Variants in PTPRD observed in about 807,000 individuals in gnomAD.
PTPRD encodes receptor-type tyrosine-protein phosphatase delta.
Under a neutral mutation model 214.5 loss-of-function variants are expected in PTPRD, and 34 were observed. The ratio of observed to expected loss-of-function variants is 0.16; its 90% CI spans 0.12 to 0.21. PTPRD has a LOEUF of 0.21. Ranked by LOEUF, PTPRD falls within the 10% of genes least tolerant of loss-of-function variation. The probability of loss-of-function intolerance (pLI) is 1.00; values close to 1 mark genes in which losing one functional copy is unlikely to be tolerated. For missense variants in PTPRD, 2,545 were observed against 2,398.7 expected, an observed-to-expected ratio of 1.06 and a Z score of -1.27; for synonymous variants, 1,128 against 845.7, an observed-to-expected ratio of 1.33 and a Z score of -5.79.
chr9:8,769,485 G>C (rs2095032271), intron 11 of PTPRD, among the ~76,000 whole-genome samples: 1 of 152,150 alleles, frequency 6.6e-6, no homozygotes. Context: ...CGAGGCAGTA[G>C]ACAACAAAGG....
chr9:10,103,131 A>G (rs1358491472), intron 3 of PTPRD, among the ~76,000 whole-genome samples: 1 of 151,498 alleles, frequency 6.6e-6, no homozygotes. Context: ...TGAGGGAGAG[A>G]AAATGGCTGA....
At chr9:9,310,266 T>C (rs116666975) in intron 9 of PTPRD, among the ~76,000 whole-genome samples, 1,703 of 152,150 alleles carry the variant, frequency 0.011, 35 homozygotes, top group African/African-American at 0.038. Context: ...GCATGTGCCA[T>C]AGTGGGGGCA....
intron 5 of PTPRD, among the ~76,000 whole-genome samples, chr9:9,935,482 T>A (rs929624268): frequency 6.6e-6 from 1 of 151,914 alleles, no homozygotes; most frequent in Admixed American, 6.5e-5. Context: ...CACAATTGCT[T>A]CAAAGAGAAT....
chr9:10,304,978 T>G (rs2096009278), intron 3 of PTPRD, among the ~76,000 whole-genome samples: 1 of 152,138 alleles, frequency 6.6e-6, no homozygotes, highest in Admixed American at 6.5e-5. Flanking sequence ...AGAACAAAGC[T>G]GGAGGCATCA....
chr9:8,486,434 A>G (rs2135989622), intron 27 of PTPRD, 85 bp from the exon 28 acceptor site: 2 of 1,154,324 alleles, frequency 1.7e-6, no homozygotes, highest in East Asian at 4.7e-5. Context: ...GTTCCACTCT[A>G]CTGGTATTCC....
At chr9:10,538,278 AT>A (rs2058324019) in intron 2 of PTPRD, among the ~76,000 whole-genome samples, 1 of 147,456 alleles carries the variant, frequency 6.8e-6, no homozygotes, top group Admixed American at 6.7e-5. Flanking sequence ...AAATAAATAA[AT>A]AAATAAATAA....
At chr9:9,162,401 A>C (rs2099891549) in intron 10 of PTPRD, among the ~76,000 whole-genome samples, 1 of 152,140 alleles carries the variant, frequency 6.6e-6, no homozygotes, top group African/African-American at 2.4e-5. Flanking sequence ...TCAGATCCAG[A>C]AGATTACTTA....
intron 2 of PTPRD, among the ~76,000 whole-genome samples, chr9:10,454,603 C>T (rs1157655541): frequency 6.6e-6 from 1 of 151,576 alleles, no homozygotes; most frequent in East Asian, 1.9e-4. Context: ...TAAACATATT[C>T]CATATTTTCT....
chr9:9,598,051 A>G (rs2093487494), intron 7 of PTPRD, among the ~76,000 whole-genome samples: 1 of 151,994 alleles, frequency 6.6e-6, no homozygotes, highest in South Asian at 2.1e-4. Context: ...ACAGGACTTA[A>G]GTTGCTGTCT....
chr9:10,166,858 T>A (rs924087514), intron 3 of PTPRD, among the ~76,000 whole-genome samples: 1 of 152,160 alleles, frequency 6.6e-6, no homozygotes, highest in Non-Finnish European at 1.5e-5. Context: ...TTTATTTCCA[T>A]CATTAATGCT....
intron 4 of PTPRD, among the ~76,000 whole-genome samples, chr9:10,031,647 T>TATATATACACACACACACACAC: frequency 1.1e-4 from 10 of 89,620 alleles, no homozygotes; most frequent in African/African-American, 4.9e-4. Flanking sequence ...TATATATATA[T>TATATATACACACACACACACAC]ACACACACAC....
At chr9:8,394,938 C>T (rs1500333) in intron 36 of PTPRD, among the ~76,000 whole-genome samples, 2 of 151,750 alleles carry the variant, frequency 1.3e-5, no homozygotes, top group African/African-American at 4.8e-5. Context: ...TGGACTTTAG[C>T]GGGTGATAAT....
chr9:9,701,684 G>C (rs772114520), intron 7 of PTPRD, among the ~76,000 whole-genome samples: 1 of 152,114 alleles, frequency 6.6e-6, no homozygotes, highest in Admixed American at 6.6e-5. Context: ...ATGTGAAATA[G>C]AATATTAAAG....
intron 7 of PTPRD, among the ~76,000 whole-genome samples, chr9:9,670,648 G>A (rs2096811306): frequency 6.6e-6 from 1 of 152,182 alleles, no homozygotes; most frequent in South Asian, 2.1e-4. Flanking sequence ...GAGACTTGGT[G>A]CCCTGCGTCC....
intron 10 of PTPRD, among the ~76,000 whole-genome samples, chr9:9,050,290 T>A (rs1215316077): frequency 6.6e-6 from 1 of 152,210 alleles, no homozygotes; most frequent in Non-Finnish European, 1.5e-5. Flanking sequence ...CTGAAAAGTA[T>A]GCAATGCAAT....
intron 11 of PTPRD, among the ~76,000 whole-genome samples, chr9:9,012,529 A>T (rs1267966883): frequency 6.6e-6 from 1 of 152,192 alleles, no homozygotes; most frequent in Non-Finnish European, 1.5e-5. Context: ...CATAGGCGGT[A>T]TAAGTGTCTA....
chr9:8,376,810 C>G, intron 37 of PTPRD, 84 bp from the exon 38 acceptor site: 1 of 1,565,842 alleles, frequency 6.4e-7, no homozygotes, highest in South Asian at 1.2e-5. Flanking sequence ...TGAAGGAAAA[C>G]AGCTTTTCTG....
intron 11 of PTPRD, among the ~76,000 whole-genome samples, chr9:8,744,581 A>C (rs1304187300): frequency 6.6e-6 from 1 of 152,206 alleles, no homozygotes; most frequent in Non-Finnish European, 1.5e-5. Flanking sequence ...CTCCCTCATA[A>C]GGAGGAGCTA....
Position 8,643,022 on chromosome 9 carries a change from C to T in PTPRD, c.65-6178G>A, listed in dbSNP as rs1019744483. 4.4e-4 allele frequency among the ~76,000 whole-genome samples: 67 copies of T among 152,274 alleles called. 1 individual carries two copies. The highest frequency in any genetic ancestry group is 1.5e-5 in the Non-Finnish European group (1 of 68,034). On this transcript the variant is annotated intron_variant, in intron 12 of 45. Coordinates refer to ENST00000381196, the MANE Select transcript of PTPRD (RefSeq NM_002839.4). ...ACCAGGGCCTGTGGGGACAGTGAAT[C>T]TGTCACATGAAATTTGAACAGGGTC...
Sources: allele counts gnomAD v4.1 joint callset (sites outside exome capture counted in the v4.1 genomes callset), GRCh38; gene constraint gnomAD v4.1.1; transcripts MANE v1.5; gene names NCBI Gene and HGNC (gene_info 2026-07-23, HGNC 2026-07-21).